TTN: variants seen among roughly 807,000 people sequenced by gnomAD.
TTN encodes connectin.
Under a neutral mutation model 3,223.0 loss-of-function variants are expected in TTN, and 1,525 were observed. That is an observed-to-expected ratio of 0.47 (90% CI 0.45 to 0.49). The LOEUF is 0.49. Ranked by LOEUF, TTN falls within the 20% of genes least tolerant of loss-of-function variation. The pLI, the probability that TTN is intolerant of heterozygous loss-of-function variation, is 0.00. For synonymous variants in TTN, 14,094 were observed against 15,161.0 expected, an observed-to-expected ratio of 0.93 and a Z score of 5.17; for missense variants, 40,786 against 43,424.0, an observed-to-expected ratio of 0.94 and a Z score of 5.40.
In TTN at chr2:178,592,241, T is replaced by G. The variant is rs564006895; in HGVS notation, c.59663A>C (p.Glu19888Ala). ...PGPPRDLEVS[E>A]IRKDSCYLTW... ...AAGGTAACATGAATCTTTCCTAATTTCACTGACTTCCAGATCTCTAGGTGG... is the reference window on the plus strand; with the variant it reads ...AAGGTAACATGAATCTTTCCTAATTGCACTGACTTCCAGATCTCTAGGTGG... Residue 19888 changes from glutamate (E) to alanine (A), a missense_variant, in exon 302 of 363, where the codon GAA (glutamate) becomes GCA (alanine). By Grantham distance (107) the Glu-to-Ala change is moderately radical. Transcript: ENST00000589042. 23 of 1,611,732 alleles carry G rather than the reference T, an allele frequency of 1.4e-5. No homozygotes were observed. The highest frequency in any genetic ancestry group is 1.8e-5 in the Non-Finnish European group (21 of 1,178,910).
At chr2:178,700,119 A>G (rs555264655) in intron 111 of TTN, among the ~76,000 whole-genome samples, 3 of 152,320 alleles carry the variant, frequency 2.0e-5, no homozygotes, top group South Asian at 4.1e-4. Context: ...ATTCATTAAC[A>G]TAAGTTATTA....
Position 178,669,614 on chromosome 2 carries a change from C to G in TTN, c.35448G>C (p.Lys11816Asn). The G allele has an allele frequency of 1.2e-6, 2 of 1,612,386 alleles. No individual in the cohort carries two copies. Among genetic ancestry groups the G allele is most frequent in the Non-Finnish European group, 1.7e-6 (2 of 1,179,608 alleles). The change falls in exon 158 of 363, where the codon AAG (lysine) becomes AAC (asparagine). Residue 11816 changes from lysine (K) to asparagine (N), a missense_variant. Lys to Asn is a moderately conservative substitution (Grantham distance 94, BLOSUM62 0). Transcript: ENST00000589042. ...EEKVREAVLK[K>N]PEVPPAKVPG... ...TACCTTTAGCTGGTGGAACTTCAGGCTTTTTCAGAACAGCTTCACGAACTT... is the reference window on the plus strand; with the variant it reads ...TACCTTTAGCTGGTGGAACTTCAGGGTTTTTCAGAACAGCTTCACGAACTT...
rs1231666907 is a variant in TTN, at chr2:178,669,624, A to G, written c.35438T>C (p.Val11813Ala). 1 of 1,612,500 alleles carries G rather than the reference A, an allele frequency of 6.2e-7. No individual in the cohort carries two copies. Among genetic ancestry groups the G allele is most frequent in the Non-Finnish European group, 8.5e-7 (1 of 1,179,680 alleles). The change falls in exon 158 of 363, where the codon GTT becomes GCT. Residue 11813 changes from valine to alanine, a missense_variant. Transcript: ENST00000589042. ...IVPEEKVREA[V>A]LKKPEVPPAK... is the part of the protein sequence containing the mutation. ...TGGTGGAACTTCAGGCTTTTTCAGA[A>G]CAGCTTCACGAACTTTTTCTTCTGG... is the stretch of plus-strand genomic sequence containing the variant.
chr2:178,536,209 G>GA lies in TTN; in HGVS notation c.100537_100538insT (p.Ala33513ValfsTer32). On this transcript the variant is annotated frameshift_variant, in exon 357 of 363. Coordinates refer to ENST00000589042, the MANE Select transcript of TTN (RefSeq NM_001267550.2). LOFTEE classifies it high-confidence loss of function. ...ACCAGTCACTTTGCAGACCAAGGTA[G>GA]CATTGCTCTGATATCTGACATTTAG... 6.2e-7 allele frequency: 1 copy of GA among 1,613,220 alleles called. No individual in the cohort carries two copies. Among genetic ancestry groups the GA allele is most frequent in the Non-Finnish European group, 8.5e-7 (1 of 1,179,506 alleles).
chr2:178,604,616 T>G, intron 281 of TTN, 92 bp downstream of exon 281: 2 of 1,367,614 alleles, frequency 1.5e-6, no homozygotes, highest in South Asian at 2.9e-5. Flanking sequence ...GGTTTTGAGT[T>G]TAATTATCAA....
chr2:178,787,540 A>G (rs1378093373), intron 13 of TTN, among the ~76,000 whole-genome samples: 4 of 152,160 alleles, frequency 2.6e-5, no homozygotes, highest in Non-Finnish European at 5.9e-5. Context: ...TTGTAGTGTG[A>G]TCACATTTCC....
Position 178,731,966 on chromosome 2 carries a change from G to C in TTN, c.16909C>G (p.Pro5637Ala). ...GGCTTAAATTCCTTGGTAAAATAAG[G>C]TGACTCTACAGTAAAAAAGGAATGA... Reference protein sequence around the residue: ...CSSIVIVKESPYFTKEFKPIE... With the variant: ...CSSIVIVKESAYFTKEFKPIE... The change falls in exon 58 of 363, where the codon CCT (proline) becomes GCT (alanine). Residue 5637 changes from proline to alanine, a missense_variant. Physicochemically the swap from Pro to Ala is conservative, Grantham distance 27. Transcript: ENST00000589042. 1.2e-5 allele frequency: 20 copies of C among 1,604,770 alleles called. No individual in the cohort carries two copies. The highest frequency in any genetic ancestry group is 1.7e-5 in the Non-Finnish European group (20 of 1,173,440).
intron 218 of TTN, 97 bp from the exon 219 acceptor site, chr2:178,642,414 C>T (rs550368360): frequency 1.0e-6 from 1 of 998,756 alleles, no homozygotes; most frequent in Admixed American, 2.8e-5. Context: ...AACTGTAGTG[C>T]ATTAAGTAAC....
At position 178,694,124 on chromosome 2, in the gene TTN, G is replaced by A. The variant is rs576916627; in HGVS notation, c.31427-116C>T. On this transcript the variant is annotated intron_variant, in intron 117 of 362. Transcript: ENST00000589042. ...ACAGAATGAGTGGGTTAATATGGTA[G>A]CTTGAGAACAAATTCAGTATTGACA... 14 of 722,306 alleles carry A rather than the reference G, an allele frequency of 1.9e-5. No homozygotes were observed. The South Asian group carries it at 2.8e-4, about 14-fold the overall frequency. The allele number at this position is 722,306 out of a possible 1,614,324, so 44.7% of individuals were successfully genotyped here. A position where few individuals can be genotyped will look rare whatever the true frequency, so the allele number is the denominator to read the frequency against.
Position 178,586,563 on chromosome 2 carries a change from A to G in TTN, c.64338T>C (p.Ala21446=), listed in dbSNP as rs371514555. ...CTTCTCTTGGCAAACTGACTCCAACAGCATTTCTGGCCGCTACTCTAAATT... is the reference window on the plus strand; with the variant it reads ...CTTCTCTTGGCAAACTGACTCCAACGGCATTTCTGGCCGCTACTCTAAATT... The part of the protein sequence containing the change: ...KYKFRVAARN[A]VGVSLPREAE... The change falls in exon 308 of 363, where the codon GCT becomes GCC. Residue 21446 remains alanine (A), a synonymous_variant. Transcript: ENST00000589042. The G allele has an allele frequency of 3.8e-5, 61 of 1,613,268 alleles. 1 individual carries two copies. In the East Asian group the frequency reaches 4.0e-4, roughly 11 times the overall value.
rs563582627 is a variant in TTN at position 178,702,165 on chromosome 2, C to T, written c.30511+3G>A. On this transcript the variant is annotated splice_donor_region_variant and intron_variant, in intron 108 of 362. Transcript: ENST00000589042. ...GGGTGGCTTTCTGATGGCGCTACCT[C>T]ACCTTTCGTCGTTAGGTACAGCTCT... 325 of 1,613,970 alleles carry T rather than the reference C, an allele frequency of 2.0e-4. 1 individual carries two copies. The highest frequency in any genetic ancestry group is 2.5e-4 in the South Asian group (23 of 91,084).
At position 178,790,074 on chromosome 2, in the gene TTN, T is replaced by C; in HGVS notation, c.1842A>G (p.Ile614Met). The C allele has an allele frequency of 6.2e-7, 1 of 1,613,190 alleles. No individual in the cohort carries two copies. The highest frequency in any genetic ancestry group is 8.5e-7 in the Non-Finnish European group (1 of 1,179,442). ...GTTCTTTGACTTTGGGTGTGGCAAC[T>C]ATGACTTTAGGTACAACTGTTTTCC... ...ETRKTVVPKVIVATPKVKEQD... is the reference protein window; with the variant it reads ...ETRKTVVPKVMVATPKVKEQD... The change falls in exon 12 of 363, where the codon ATA becomes ATG. Residue 614 changes from isoleucine (I) to methionine (M), a missense_variant. Physicochemically the swap from Ile to Met is conservative, Grantham distance 10 (BLOSUM62 1). Transcript: ENST00000589042.
rs1387328093 is a variant in TTN at position 178,554,990 on chromosome 2, T to C, written c.88469A>G (p.Glu29490Gly). The part of the protein sequence containing the change: ...ELQTNALVCV[E>G]NTTDLASILI... Reference sequence around the variant, plus strand: ...TATAGATGCGAGGTCCGTGGTATTTTCAACACACACCAGTGCATTGGTTTG... The same window carrying C: ...TATAGATGCGAGGTCCGTGGTATTTCCAACACACACCAGTGCATTGGTTTG... The change falls in exon 331 of 363, where the codon GAA (glutamate) becomes GGA (glycine). Residue 29490 changes from glutamate to glycine, a missense_variant. Physicochemically the swap from Glu to Gly is moderately conservative, Grantham distance 98. Coordinates refer to ENST00000589042, the MANE Select transcript of TTN (RefSeq NM_001267550.2). 1.9e-6 allele frequency: 3 copies of C among 1,613,726 alleles called. No homozygotes were observed. The South Asian group carries it at 3.3e-5, about 18-fold the overall frequency.
Position 178,544,272 on chromosome 2 carries a change from G to A in TTN, c.95957C>T (p.Ala31986Val). Residue 31986 changes from alanine (A) to valine (V), a missense_variant, in exon 345 of 363, where the codon GCT becomes GTT. Coordinates refer to ENST00000589042, the MANE Select transcript of TTN (RefSeq NM_001267550.2). ...GCTCATACCCTTCACGTTCACGGCA[G>A]CAACTCTGAAGGAATATTTCTGGCC... ...KMGQKYSFRVAAVNVKGMSEY... is the reference protein window; with the variant it reads ...KMGQKYSFRVVAVNVKGMSEY... 6.2e-7 allele frequency: 1 copy of A among 1,613,794 alleles called. No individual in the cohort carries two copies. The highest frequency in any genetic ancestry group is 8.5e-7 in the Non-Finnish European group (1 of 1,179,736).
In TTN at chr2:178,539,111, C is replaced by T; in HGVS notation, c.98824G>A (p.Asp32942Asn). 2 of 1,613,764 alleles carry T rather than the reference C, an allele frequency of 1.2e-6. No individual in the cohort carries two copies. The highest frequency in any genetic ancestry group is 1.7e-6 in the Non-Finnish European group (2 of 1,179,738). Residue 32942 changes from aspartate (D) to asparagine (N), a missense_variant, in exon 353 of 363, where the codon GAC becomes AAC. Transcript: ENST00000589042. ...YYIERKETST[D>N]KWVRHNKTQI... ...GTCTTGTTGTGTCTGACCCACTTGT[C>T]AGTGGATGTCTCTTTGCGTTCGATG...
chr2:178,594,916 G>A (rs2051108641), intron 295 of TTN, among the ~76,000 whole-genome samples: 1 of 151,980 alleles, frequency 6.6e-6, no homozygotes, highest in East Asian at 1.9e-4. Context: ...TTAGAAGTAG[G>A]AAAATAATTC....
intron 47 of TTN, chr2:178,747,056 T>C (rs2083803950): frequency 1.9e-6 from 3 of 1,613,122 alleles, no homozygotes; most frequent in Middle Eastern, 3.3e-4. Flanking sequence ...AGAATATCTC[T>C]CTAGTGCCTC....
chr2:178,627,139 T>C (rs961917587), intron 240 of TTN, among the ~76,000 whole-genome samples: 7 of 151,986 alleles, frequency 4.6e-5, no homozygotes, highest in African/African-American at 1.7e-4. Context: ...ATTAAAGTTT[T>C]GTATTTAAAC....
At position 178,718,052 on chromosome 2, in the gene TTN, A is replaced by G. The variant is rs766971704; in HGVS notation, c.24954T>C (p.Val8318=). Residue 8318 remains valine (V), a synonymous_variant, in exon 86 of 363, where the codon GTT becomes GTC. Transcript: ENST00000589042. ...PAYKMQFKNN[V]ASLVINKVDH... ...CCACTTTGTTGATTACTAAGGAAGCAACGTTATTTTTGAATTGCATTTTAT... is the reference window on the plus strand; with the variant it reads ...CCACTTTGTTGATTACTAAGGAAGCGACGTTATTTTTGAATTGCATTTTAT... The G allele has an allele frequency of 4.3e-6, 7 of 1,613,624 alleles. No homozygotes were observed. In the African/African-American group the frequency reaches 9.3e-5, roughly 22 times the overall value.
Sources: allele counts gnomAD v4.1 joint callset (sites outside exome capture counted in the v4.1 genomes callset), GRCh38; gene constraint gnomAD v4.1.1; transcripts MANE v1.5; gene names NCBI Gene and HGNC (gene_info 2026-07-23, HGNC 2026-07-21).